The following SLC16A7 variants were observed in gnomAD, a reference collection of about 807,000 sequenced individuals.
SLC16A7 encodes the protein solute carrier family 16 member 7.
In SLC16A7, 33 loss-of-function variants were observed where a neutral mutation model predicts 34.9. The ratio of observed to expected loss-of-function variants is 0.94; its 90% CI spans 0.72 to 1.26. The LOEUF (loss-of-function observed/expected upper bound fraction) is 1.26, where lower values mean the gene tolerates loss of function less well. Among genes scored for constraint, SLC16A7 ranks in the 50% most tolerant of loss-of-function variants. The pLI is 0.00. For missense variants in SLC16A7, 573 were observed against 578.1 expected, an observed-to-expected ratio of 0.99 and a Z score of 0.09; for synonymous variants, 201 against 206.6, an observed-to-expected ratio of 0.97 and a Z score of 0.23.
At chr12:59,702,217 T>G (rs1005390569) in intron 2 of SLC16A7, among the ~76,000 whole-genome samples, 9 of 151,986 alleles carry the variant, frequency 5.9e-5, no homozygotes, top group African/African-American at 2.2e-4. Flanking sequence ...ATACCTACAA[T>G]ATTTATTTCC....
intron 1 of SLC16A7, among the ~76,000 whole-genome samples, chr12:59,619,382 TA>T (rs962798790): frequency 2.0e-5 from 3 of 152,076 alleles, no homozygotes; most frequent in African/African-American, 7.2e-5. Flanking sequence ...CGGTTTCAAT[TA>T]AAAGGTTTGC....
In SLC16A7 at chr12:59,616,860, G is replaced by A. The variant is rs118068835; in HGVS notation, c.-130+20624G>A. ...GGTTACTAGAACTTATTTCTATTAT[G>A]GCAGTTAATAGCATATTTTTTAGCA... On this transcript the variant is annotated intron_variant, in intron 1 of 5. Coordinates refer to ENST00000547379, the MANE Select transcript of SLC16A7 (RefSeq NM_001270623.2). Among the ~76,000 whole-genome samples the A allele has an allele frequency of 7.8e-4, 118 of 152,058 alleles. 1 individual carries two copies. In the East Asian group the frequency reaches 0.021, roughly 27 times the overall value.
At chr12:59,603,464 T>C (rs1290657826) in intron 1 of SLC16A7, among the ~76,000 whole-genome samples, 1 of 152,186 alleles carries the variant, frequency 6.6e-6, no homozygotes, top group Non-Finnish European at 1.5e-5. Flanking sequence ...CATGCTGTTC[T>C]TTTATCTTGA....
intron 3 of SLC16A7, among the ~76,000 whole-genome samples, chr12:59,729,015 A>C (rs1876621259): frequency 6.6e-6 from 1 of 152,162 alleles, no homozygotes; most frequent in Non-Finnish European, 1.5e-5. Context: ...ATTTTTGTCA[A>C]TGAAAAATTG....
chr12:59,755,007 C>A (rs1422444113), intron 3 of SLC16A7, among the ~76,000 whole-genome samples: 2 of 152,172 alleles, frequency 1.3e-5, no homozygotes, highest in Non-Finnish European at 2.9e-5. Flanking sequence ...AGACAAAAAA[C>A]ACATGATTAT....
At chr12:59,644,408 A>C (rs1033741884) in intron 1 of SLC16A7, among the ~76,000 whole-genome samples, 1 of 152,068 alleles carries the variant, frequency 6.6e-6, no homozygotes, top group Non-Finnish European at 1.5e-5. Flanking sequence ...CTCTACTAAA[A>C]ATACAAAAAT....
chr12:59,604,416 A>G (rs1878836677), intron 1 of SLC16A7, among the ~76,000 whole-genome samples: 1 of 152,372 alleles, frequency 6.6e-6, no homozygotes, highest in Admixed American at 6.5e-5. Context: ...TTAGCCACTC[A>G]GTAAAATTAT....
At chr12:59,624,740 G>T (rs1193056546) in intron 1 of SLC16A7, among the ~76,000 whole-genome samples, 1 of 93,474 alleles carries the variant, frequency 1.1e-5, no homozygotes, top group African/African-American at 4.2e-5. Context: ...ATTGTTAGTT[G>T]TGTGTGTGTG....
At chr12:59,745,983 T>C (rs1592626973) in intron 3 of SLC16A7, among the ~76,000 whole-genome samples, 1 of 152,168 alleles carries the variant, frequency 6.6e-6, no homozygotes, top group East Asian at 1.9e-4. Flanking sequence ...ACATGATGAA[T>C]GGGACATGTC....
intron 3 of SLC16A7, among the ~76,000 whole-genome samples, chr12:59,711,268 T>G (rs1285039929): frequency 6.6e-6 from 1 of 152,182 alleles, no homozygotes; most frequent in African/African-American, 2.4e-5. Context: ...GACAAAGTAT[T>G]AACAATAAGC....
intron 4 of SLC16A7, 67 bp downstream of exon 4, chr12:59,771,429 GAAC>G (rs1428115990): frequency 6.0e-5 from 66 of 1,102,652 alleles, no homozygotes; most frequent in Middle Eastern, 2.1e-4. Context: ...TGAGAAGAAT[GAAC>G]AACAGAAAAT....
intron 3 of SLC16A7, among the ~76,000 whole-genome samples, chr12:59,750,936 T>C (rs1879458450): frequency 6.6e-6 from 1 of 151,868 alleles, no homozygotes; most frequent in African/African-American, 2.4e-5. Flanking sequence ...CTGGAAACCA[T>C]CAATCTCAGC....
At chr12:59,639,913 A>C (rs1341380857) in intron 1 of SLC16A7, among the ~76,000 whole-genome samples, 1 of 152,206 alleles carries the variant, frequency 6.6e-6, no homozygotes, top group East Asian at 1.9e-4. Flanking sequence ...GTATGTCCCC[A>C]GATCTCCCAC....
Position 59,779,670 on chromosome 12 carries a change from T to TAACA in SLC16A7, c.1429_1432dup (p.Ile478LysfsTer27), listed in dbSNP as rs1220767129. The TAACA allele has an allele frequency of 6.2e-7, 1 of 1,605,988 alleles. No homozygotes were observed. The highest frequency in any genetic ancestry group is 8.5e-7 in the Non-Finnish European group (1 of 1,175,174). ...AGAGTGTAACCTCAGAAAGAGAAAC[T>TAACA]AACATTTAACAAGAATCACATCTCT... On this transcript the variant is annotated frameshift_variant, in exon 6 of 6. Coordinates refer to ENST00000547379, the MANE Select transcript of SLC16A7 (RefSeq NM_001270623.2). LOFTEE classifies it high-confidence loss of function.
Position 59,787,758 on chromosome 12 carries a change from G to A in SLC16A7, c.*8079G>A, listed in dbSNP as rs1012757915. 2 of 152,138 alleles carry A rather than the reference G, an allele frequency of 1.3e-5. No homozygotes were observed. The highest frequency in any genetic ancestry group is 2.9e-5 in the Non-Finnish European group (2 of 68,012). The allele number at this position is 152,138 out of a possible 1,614,324, so 9.4% of individuals were successfully genotyped here. On this transcript the variant is annotated 3_prime_UTR_variant, in exon 6 of 6. Transcript: ENST00000547379. ...TGGGCCCTAAAAACATCTGTAGTAC[G>A]TGATGTGTTTGGTTAGATTCAGCCA... is the stretch of plus-strand genomic sequence containing the variant.
intron 3 of SLC16A7, among the ~76,000 whole-genome samples, chr12:59,740,324 T>G (rs1878153775): frequency 1.3e-5 from 2 of 152,286 alleles, no homozygotes; most frequent in East Asian, 3.9e-4. Context: ...TTGCTTGTTT[T>G]TGTCAGGTTT....
chr12:59,775,118 C>T lies in SLC16A7; in HGVS notation c.823C>T (p.Gln275Ter), dbSNP rs748955085. 6.8e-6 allele frequency: 11 copies of T among 1,614,000 alleles called. No homozygotes were observed. The highest frequency in any genetic ancestry group is 9.3e-6 in the Non-Finnish European group (11 of 1,179,986). ...IIFLAPYAKD[Q>*]GIDEYSAAFL... ...ATTCTTGGCTCCATATGCTAAAGAC[C>T]AAGGAATTGATGAGTACTCGGCAGC... Residue 275 changes from glutamine to a stop codon, truncating the protein, a stop_gained, in exon 5 of 6, where the codon CAA (glutamine) becomes TAA (stop). Transcript: ENST00000547379. LOFTEE classifies it high-confidence loss of function.
intron 3 of SLC16A7, among the ~76,000 whole-genome samples, chr12:59,718,083 C>T (rs982033057): frequency 6.6e-6 from 1 of 152,036 alleles, no homozygotes; most frequent in South Asian, 2.1e-4. Context: ...TATTTATTAA[C>T]CATAGAATAA....
chr12:59,755,094 G>C (rs1158511897), intron 3 of SLC16A7, among the ~76,000 whole-genome samples: 2 of 152,182 alleles, frequency 1.3e-5, no homozygotes, highest in Admixed American at 1.3e-4. Context: ...ATTAGGTATT[G>C]ATGGGACATA....
Sources: gnomAD v4.1 joint callset for allele counts (sites outside exome capture counted in the v4.1 genomes callset) on GRCh38, gnomAD v4.1.1 for gene constraint, MANE v1.5 for transcripts, NCBI Gene and HGNC (gene_info 2026-07-23, HGNC 2026-07-21) for gene names.